The following ABCC4 variants were observed in gnomAD, a reference collection of about 807,000 sequenced individuals.
ABCC4 encodes ATP-binding cassette sub-family C member 4.
ABCC4 carries 102 observed loss-of-function variants against 168.5 expected under a neutral mutation model. The observed-to-expected ratio is 0.61, with a 90% CI of 0.52 to 0.71. ABCC4 has a LOEUF of 0.71. ABCC4 is among the 30% of genes least tolerant of loss of function. ABCC4 has a pLI of 0.00. For synonymous variants in ABCC4, 617 were observed against 590.7 expected (o/e 1.04, Z -0.65); for missense variants, 1,402 against 1,605.8 (o/e 0.87, Z 2.17).
intron 1 of ABCC4, among the ~76,000 whole-genome samples, chr13:95,256,601 A>G (rs1276724005): frequency 6.6e-6 from 1 of 152,030 alleles, no homozygotes; most frequent in African/African-American, 2.4e-5. Context: ...ACAAAAACAT[A>G]CAAAAAACTG....
intron 20 of ABCC4, among the ~76,000 whole-genome samples, chr13:95,091,168 G>A (rs566030347): frequency 3.1e-4 from 47 of 152,278 alleles, no homozygotes; most frequent in African/African-American, 8.7e-4. Context: ...CCAAGCCTAA[G>A]AATAATCAGT....
intron 11 of ABCC4, among the ~76,000 whole-genome samples, chr13:95,182,366 A>G (rs753713716): frequency 3.9e-5 from 6 of 152,238 alleles, no homozygotes; most frequent in Non-Finnish European, 8.8e-5. Context: ...ACACTGCTTA[A>G]AAGTGCTCAA....
Position 95,178,734 on chromosome 13 carries a change from C to T in ABCC4, c.1546-643G>A, listed in dbSNP as rs533396222. The stretch of plus-strand genomic sequence containing the variant: ...TGGCAGGGGAGGGCAGAGACAGAGG[C>T]AAGAGAAGCCAAGGGCTCACACCCA... On this transcript the variant is annotated intron_variant, in intron 11 of 30. Coordinates refer to ENST00000645237, the MANE Select transcript of ABCC4 (RefSeq NM_005845.5). Among the ~76,000 whole-genome samples, 3 of 152,198 alleles carry T rather than the reference C, an allele frequency of 2.0e-5. No homozygotes were observed. In the South Asian group the frequency reaches 6.2e-4, roughly 32 times the overall value.
At position 95,287,245 on chromosome 13, in the gene ABCC4, T is replaced by C. The variant is rs373352661; in HGVS notation, c.74+13996A>G. ...CCCAGAAGGTTGCAGTGAGCCAAGA[T>C]TGTGCCACTGCACTCCAGCCTGGGC... On this transcript the variant is annotated intron_variant, in intron 1 of 30. Coordinates refer to ENST00000645237, the MANE Select transcript of ABCC4 (RefSeq NM_005845.5). Among the ~76,000 whole-genome samples, 56 of 151,508 alleles carry C rather than the reference T, an allele frequency of 3.7e-4. 3 individuals carry two copies. The South Asian group carries it at 0.011, about 29-fold the overall frequency.
rs191567201 is a variant in ABCC4 at position 95,234,398 on chromosome 13, C to T, written c.531+212G>A. ...TTGCATAAAGAAAAAAAACATTGGC[C>T]TGATGCAAATAGCAAGCTTCTCTAG... is the stretch of plus-strand genomic sequence containing the variant. On this transcript the variant is annotated intron_variant, in intron 4 of 30. Transcript: ENST00000645237. 1.8e-3 allele frequency among the ~76,000 whole-genome samples: 279 copies of T among 152,314 alleles called. 2 individuals are homozygous for T. Among genetic ancestry groups the T allele is most frequent in the Middle Eastern group, 0.01 (3 of 294 alleles).
intron 1 of ABCC4, among the ~76,000 whole-genome samples, chr13:95,300,061 C>T (rs1180641986): frequency 6.6e-6 from 1 of 152,190 alleles, no homozygotes; most frequent in Non-Finnish European, 1.5e-5. Flanking sequence ...AGGCTGGTCT[C>T]GAACTCCTGA....
chr13:95,300,809 G>T (rs957568830), intron 1 of ABCC4, among the ~76,000 whole-genome samples: 3 of 152,240 alleles, frequency 2.0e-5, no homozygotes, highest in Non-Finnish European at 4.4e-5. Context: ...AGGTGCGTTT[G>T]AGTTCAGGAG....
At chr13:95,043,599 C>G in intron 29 of ABCC4, 83 bp downstream of exon 29, 1 of 1,213,464 alleles carries the variant, frequency 8.2e-7, no homozygotes. Context: ...CTAGGGGTTT[C>G]TATCAAGTTT....
intron 29 of ABCC4, among the ~76,000 whole-genome samples, chr13:95,041,026 A>G (rs1260254050): frequency 6.6e-6 from 1 of 152,210 alleles, no homozygotes; most frequent in Non-Finnish European, 1.5e-5. Flanking sequence ...AGGCTGTGCT[A>G]TTGGCTGAAA....
chr13:95,244,596 TGAAAGAAAGAAAGAAAGAAAGAAA>T (rs58076935), intron 3 of ABCC4, among the ~76,000 whole-genome samples: 12 of 34,992 alleles, frequency 3.4e-4, no homozygotes, highest in South Asian at 1.0e-3. Flanking sequence ...TAAAATAACA[TGAAAGAAAGAAAGAAAGAAAGAAA>T]GAAAGAAAGA....
At chr13:95,050,189 G>A (rs150506898) in intron 27 of ABCC4, among the ~76,000 whole-genome samples, 44 of 152,232 alleles carry the variant, frequency 2.9e-4, no homozygotes, top group Non-Finnish European at 5.9e-4. Flanking sequence ...ATAACTTCAC[G>A]TTTACAATCA....
At chr13:95,114,166 A>G (rs1594117627) in intron 20 of ABCC4, among the ~76,000 whole-genome samples, 1 of 152,316 alleles carries the variant, frequency 6.6e-6, no homozygotes, top group South Asian at 2.1e-4. Flanking sequence ...ATGTGAGTGG[A>G]TAATAACAAA....
At chr13:95,099,209 A>G (rs1393037256) in intron 20 of ABCC4, among the ~76,000 whole-genome samples, 1 of 152,208 alleles carries the variant, frequency 6.6e-6, no homozygotes, top group African/African-American at 2.4e-5. Flanking sequence ...AACCACTGAA[A>G]CATACACAGA....
chr13:95,214,924 T>C (rs923028382), intron 4 of ABCC4, among the ~76,000 whole-genome samples: 21 of 149,644 alleles, frequency 1.4e-4, no homozygotes, highest in Middle Eastern at 3.2e-3. Flanking sequence ...CTCTGAATTC[T>C]ATCACCAACA....
chr13:95,230,558 C>T (rs9524850), intron 4 of ABCC4, among the ~76,000 whole-genome samples: 115,647 of 152,100 alleles, frequency 0.76, 44,511 homozygotes, highest in Non-Finnish European at 0.84. Flanking sequence ...GAGCAGATCG[C>T]GAGGTCAGTA....
At chr13:95,198,637 G>T (rs9524826) in intron 8 of ABCC4, among the ~76,000 whole-genome samples, 89,840 of 152,000 alleles carry the variant, frequency 0.59, 28,176 homozygotes, top group Non-Finnish European at 0.72. Flanking sequence ...TAAATCATTC[G>T]ACTATAAAGA....
rs553928504 is a variant in ABCC4, at chr13:95,096,118, A to C, written c.2536-12828T>G. 1.9e-4 allele frequency: 115 copies of C among 611,412 alleles called. 1 individual carries two copies. In the South Asian group the frequency reaches 2.0e-3, roughly 11 times the overall value. 37.9% of individuals were successfully genotyped at this position (611,412 alleles called of 1,614,324 possible). A position where few individuals can be genotyped will look rare whatever the true frequency, so the allele number is the denominator to read the frequency against. The stretch of plus-strand genomic sequence containing the variant: ...AGCACTGAGGTTTGCTTGAGGAGGG[A>C]GGAGGATTGCTTGAGCCTAGGAGTT... On this transcript the variant is annotated intron_variant, in intron 20 of 30. Transcript: ENST00000645237.
intron 4 of ABCC4, 101 bp from the exon 5 acceptor site, chr13:95,210,882 C>T: frequency 2.5e-6 from 2 of 790,512 alleles, no homozygotes; most frequent in Non-Finnish European, 4.2e-6. Flanking sequence ...ATGTCAAGAC[C>T]AGATCTAAGC....
chr13:95,026,944 A>G (rs536198697), intron 30 of ABCC4, among the ~76,000 whole-genome samples: 1 of 152,268 alleles, frequency 6.6e-6, no homozygotes, highest in East Asian at 1.9e-4. Context: ...TATGTCAAAC[A>G]TGGTCATAGA....
Sources: gnomAD v4.1 joint callset for allele counts (sites outside exome capture counted in the v4.1 genomes callset) on GRCh38, gnomAD v4.1.1 for gene constraint, MANE v1.5 for transcripts, NCBI Gene and HGNC (gene_info 2026-07-23, HGNC 2026-07-21) for gene names.